Variants in SPMAP2L observed in about 807,000 individuals in gnomAD.
SPMAP2L encodes the protein sperm microtubule associated protein 2-like.
chr4:56,552,195 T>C, the SPMAP2L span, among the ~76,000 whole-genome samples: 1 of 152,252 alleles, frequency 6.6e-6, no homozygotes, highest in South Asian at 2.1e-4. Context: ...GTCTGTACAA[T>C]CTCTTCAGAA....
At chr4:56,534,328 C>T in the SPMAP2L span, among the ~76,000 whole-genome samples, 1 of 152,172 alleles carries the variant, frequency 6.6e-6, no homozygotes, top group South Asian at 2.1e-4. Flanking sequence ...TAGAAGTCTT[C>T]TTTACTTGAC....
chr4:56,609,319 G>A, the SPMAP2L span, among the ~76,000 whole-genome samples: 1 of 152,136 alleles, frequency 6.6e-6, no homozygotes, highest in Admixed American at 6.5e-5. Flanking sequence ...GGGATTACAG[G>A]CATGAGTCAC....
chr4:56,536,800 G>A, the SPMAP2L span, among the ~76,000 whole-genome samples: 1 of 152,126 alleles, frequency 6.6e-6, no homozygotes, highest in Non-Finnish European at 1.5e-5. Flanking sequence ...GGCTTGCTGT[G>A]TTTCCCAGGC....
chr4:56,593,218 A>C, the SPMAP2L span: 9,679 of 1,349,224 alleles, frequency 7.2e-3, 539 homozygotes, highest in African/African-American at 0.12. Context: ...GTGACATCAC[A>C]GGCCTGGACA....
At chr4:56,554,940 T>A in the SPMAP2L span, among the ~76,000 whole-genome samples, 1 of 145,756 alleles carries the variant, frequency 6.9e-6, no homozygotes, top group Non-Finnish European at 1.5e-5. Flanking sequence ...ATCATTTCTT[T>A]TTTTTTTTTT....
At chr4:56,615,772 CAAACAAACAAAAT>C in the SPMAP2L span, among the ~76,000 whole-genome samples, 3 of 151,842 alleles carry the variant, frequency 2.0e-5, no homozygotes, top group African/African-American at 7.3e-5. Flanking sequence ...AACAAACAAA[CAAACAAACAAAAT>C]AAATACTTAA....
chr4:56,554,342 C>CATTT, the SPMAP2L span, among the ~76,000 whole-genome samples: 1 of 152,130 alleles, frequency 6.6e-6, no homozygotes, highest in African/African-American at 2.4e-5. Context: ...TCTTTGTCAG[C>CATTT]ATTTGGTGGT....
chr4:56,583,929 AAC>A, the SPMAP2L span, among the ~76,000 whole-genome samples: 1 of 152,162 alleles, frequency 6.6e-6, no homozygotes, highest in Non-Finnish European at 1.5e-5. Flanking sequence ...CAGATACACA[AAC>A]ACACATTTAC....
At chr4:56,595,874 G>A in the SPMAP2L span, among the ~76,000 whole-genome samples, 2 of 152,222 alleles carry the variant, frequency 1.3e-5, no homozygotes, top group Admixed American at 6.5e-5. Context: ...TGTAAATACA[G>A]TACCTGGAGG....
At chr4:56,608,685 A>C in the SPMAP2L span, among the ~76,000 whole-genome samples, 6 of 152,144 alleles carry the variant, frequency 3.9e-5, no homozygotes, top group African/African-American at 1.4e-4. Flanking sequence ...GAGAGTCCCC[A>C]CTAAGACAGT....
chr4:56,554,244 C>CT, the SPMAP2L span, among the ~76,000 whole-genome samples: 1 of 152,058 alleles, frequency 6.6e-6, no homozygotes, highest in African/African-American at 2.4e-5. Flanking sequence ...GTATATTTAA[C>CT]TTTGTAAGAA....
chr4:56,537,752 G>T, the SPMAP2L span, among the ~76,000 whole-genome samples: 1 of 150,864 alleles, frequency 6.6e-6, no homozygotes, highest in African/African-American at 2.4e-5. Context: ...GTGCAGTGGC[G>T]CGCGATCTCG....
chr4:56,553,153 C>G, the SPMAP2L span, among the ~76,000 whole-genome samples: 4 of 133,372 alleles, frequency 3.0e-5, no homozygotes, highest in African/African-American at 8.4e-5. Context: ...CTGAGTCAAG[C>G]TTGAATATTT....
the SPMAP2L span, among the ~76,000 whole-genome samples, chr4:56,576,990 C>T: frequency 2.0e-5 from 3 of 152,146 alleles, no homozygotes; most frequent in African/African-American, 7.2e-5. Context: ...TTATTATGAA[C>T]ATCAGCTATT....
At chr4:56,573,440 T>C in the SPMAP2L span, among the ~76,000 whole-genome samples, 1 of 152,298 alleles carries the variant, frequency 6.6e-6, no homozygotes, top group East Asian at 1.9e-4. Context: ...TGTCTTCTTT[T>C]TTTTCTATCT....
the SPMAP2L span, among the ~76,000 whole-genome samples, chr4:56,546,148 GAATT>G: frequency 6.6e-6 from 1 of 151,974 alleles, no homozygotes; most frequent in African/African-American, 2.4e-5. Flanking sequence ...TAAATTCTTA[GAATT>G]AATAATGGAT....
At chr4:56,575,509 C>A in the SPMAP2L span, 5 of 1,535,054 alleles carry the variant, frequency 3.3e-6, no homozygotes, top group Non-Finnish European at 4.4e-6. Flanking sequence ...TTGCAGGGCT[C>A]AATACTACCA....
At chr4:56,624,500 C>G in the SPMAP2L span, among the ~76,000 whole-genome samples, 7,364 of 152,254 alleles carry the variant, frequency 0.048, 449 homozygotes, top group East Asian at 0.32. Context: ...ATGGCAGCCC[C>G]TCCCATCACA....
At chr4:56,554,943 T>C in the SPMAP2L span, among the ~76,000 whole-genome samples, 1 of 149,088 alleles carries the variant, frequency 6.7e-6, no homozygotes, top group Non-Finnish European at 1.5e-5. Context: ...ATTTCTTTTT[T>C]TTTTTTTTTT....
Sources: gnomAD v4.1 joint callset for allele counts (sites outside exome capture counted in the v4.1 genomes callset) on GRCh38, gnomAD v4.1.1 for gene constraint, MANE v1.5 for transcripts, NCBI Gene and HGNC (gene_info 2026-07-23, HGNC 2026-07-21) for gene names.